NUP210: variants seen among roughly 807,000 people sequenced by gnomAD.
NUP210 encodes nuclear pore membrane glycoprotein 210.
In NUP210, 151 loss-of-function variants were observed where a neutral mutation model predicts 196.0. That is an observed-to-expected ratio of 0.77 (90% CI 0.67 to 0.88). The LOEUF is 0.88. Among genes scored for constraint, NUP210 ranks in the 40% least tolerant of loss-of-function variants. The pLI, the probability that NUP210 is intolerant of heterozygous loss-of-function variation, is 0.00. For missense variants in NUP210, 2,314 were observed against 2,493.7 expected (o/e 0.93, Z 1.53); for synonymous variants, 1,070 against 1,052.7 (o/e 1.02, Z -0.32).
At chr3:13,418,915 C>T (rs962902619) in intron 1 of NUP210, among the ~76,000 whole-genome samples, 1 of 127,294 alleles carries the variant, frequency 7.9e-6, no homozygotes, top group East Asian at 2.4e-4. Context: ...CACCACTGCA[C>T]GTCAGCATGG....
chr3:13,321,957 A>C lies in NUP210; in HGVS notation c.4916-122T>G, dbSNP rs1696548695. On this transcript the variant is annotated intron_variant, in intron 35 of 39. Transcript: ENST00000254508. ...TCCTCCAAAGCCCAGGTGAGAAGTC[A>C]CCTCCTCCAGGAGTCCTCCTGGGAA... 1.1e-5 allele frequency: 15 copies of C among 1,388,178 alleles called. No homozygotes were observed. In the Admixed American group the frequency reaches 2.9e-4, roughly 27 times the overall value. The allele number at this position is 1,388,178 out of a possible 1,614,324, so 86.0% of individuals were successfully genotyped here. A position where few individuals can be genotyped will look rare whatever the true frequency, so the allele number is the denominator to read the frequency against.
intron 6 of NUP210, among the ~76,000 whole-genome samples, chr3:13,383,516 C>T (rs1451762780): frequency 1.3e-4 from 9 of 70,934 alleles, no homozygotes; most frequent in African/African-American, 2.4e-4. Flanking sequence ...AGAGTGAGCT[C>T]TTTTTTTTTT....
At chr3:13,392,397 C>T (rs530640586) in intron 3 of NUP210, among the ~76,000 whole-genome samples, 27 of 152,166 alleles carry the variant, frequency 1.8e-4, no homozygotes, top group Non-Finnish European at 2.9e-4. Flanking sequence ...AGGAAGACAA[C>T]CCCCATCTAT....
Position 13,321,698 on chromosome 3 carries a change from C to A in NUP210, c.5053G>T (p.Val1685Leu). Residue 1685 changes from valine (V) to leucine (L), a missense_variant, in exon 36 of 40, where the codon GTG (valine) becomes TTG (leucine). Coordinates refer to ENST00000254508, the MANE Select transcript of NUP210 (RefSeq NM_024923.4). ...GCGAAGAGACCTGGGCTGAAGGGCA[C>A]CTCGGCCCCCACCTGCTCTGTGGAG... is the stretch of plus-strand genomic sequence containing the variant. ...HFSTEQVGAE[V>L]PFSPGLFADQ... The A allele has an allele frequency of 6.2e-7, 1 of 1,614,118 alleles. No homozygotes were observed.
Position 13,373,816 on chromosome 3 carries a change from C to A in NUP210, c.1489G>T (p.Val497Phe), listed in dbSNP as rs991643095. The change falls in exon 12 of 40, where the codon GTT (valine) becomes TTT (phenylalanine). Residue 497 changes from valine to phenylalanine, a missense_variant. Val to Phe is a conservative substitution (Grantham distance 50). Transcript: ENST00000254508. ...GTGGTCATCACGCCCTTGACAGTAA[C>A]TGTGGCAACCAGGTGGCTTGACGAA... is the stretch of plus-strand genomic sequence containing the variant. Reference protein sequence around the residue: ...WSSSSHLVATVTVKGVMTTGS... With the variant: ...WSSSSHLVATFTVKGVMTTGS... 1.9e-6 allele frequency: 3 copies of A among 1,614,144 alleles called. No homozygotes were observed. In the South Asian group the frequency reaches 3.3e-5, roughly 18 times the overall value.
At chr3:13,342,176 C>G in intron 21 of NUP210, 53 bp from the exon 22 acceptor site, 1 of 1,604,888 alleles carries the variant, frequency 6.2e-7, no homozygotes, top group South Asian at 1.1e-5. Flanking sequence ...CCAATCCTAC[C>G]ATCTATGGTG....
At chr3:13,390,596 G>T (rs902379527) in intron 4 of NUP210, among the ~76,000 whole-genome samples, 29 of 152,224 alleles carry the variant, frequency 1.9e-4, no homozygotes, top group African/African-American at 7.0e-4. Context: ...CCACGAGACA[G>T]TGCAGATCCA....
intron 36 of NUP210, among the ~76,000 whole-genome samples, chr3:13,320,220 C>G (rs354480): frequency 0.73 from 111,389 of 152,144 alleles, 41,306 homozygotes; most frequent in East Asian, 0.99. Context: ...ACGGCGTGTA[C>G]TCTGCAGAGT....
At chr3:13,398,807 G>T (rs921211965) in intron 2 of NUP210, among the ~76,000 whole-genome samples, 2 of 152,154 alleles carry the variant, frequency 1.3e-5, no homozygotes, top group African/African-American at 4.8e-5. Flanking sequence ...ACCTGTGGTG[G>T]TCCCAGCTAT....
chr3:13,377,887 GAGGCCCCACACCACCCACCTGC>G (rs1329650047), intron 8 of NUP210, among the ~76,000 whole-genome samples: 14 of 131,900 alleles, frequency 1.1e-4, no homozygotes, highest in African/African-American at 2.3e-4. Flanking sequence ...CACTTACCTG[GAGGCCCCACACCACCCACCTGC>G]AGGCCCCACA....
At position 13,347,211 on chromosome 3, in the gene NUP210, C is replaced by T. The variant is rs1697774216; in HGVS notation, c.2836-3908G>A. On this transcript the variant is annotated intron_variant, in intron 20 of 39. Coordinates refer to ENST00000254508, the MANE Select transcript of NUP210 (RefSeq NM_024923.4). This position sits in a 1 kb window ranked among gnomAD's most constrained non-coding sequence, Gnocchi z 4.7. ...GCTGCGGCTCACAGGAGCTGGGCCC[C>T]CCGGCTTCATTCCCTCCTGAATCCG... 1.0e-6 allele frequency: 1 copy of T among 985,256 alleles called. No homozygotes were observed. Among genetic ancestry groups the T allele is most frequent in the Admixed American group, 6.1e-5 (1 of 16,264 alleles). 61.0% of individuals were successfully genotyped at this position (985,256 alleles called of 1,614,324 possible).
At chr3:13,407,560 GC>G (rs1700040509) in intron 1 of NUP210, among the ~76,000 whole-genome samples, 1 of 152,014 alleles carries the variant, frequency 6.6e-6, no homozygotes, top group Admixed American at 6.6e-5. Context: ...CTTTTCCAAA[GC>G]CCCTGCCTCC....
chr3:13,372,651 G>A (rs1698771790), intron 12 of NUP210, among the ~76,000 whole-genome samples: 1 of 152,162 alleles, frequency 6.6e-6, no homozygotes, highest in Non-Finnish European at 1.5e-5. Context: ...AGAGAGGTAA[G>A]CACAGCCATG....
At chr3:13,391,918 C>T (rs1699504459) in intron 3 of NUP210, among the ~76,000 whole-genome samples, 1 of 152,016 alleles carries the variant, frequency 6.6e-6, no homozygotes, top group Non-Finnish European at 1.5e-5. Context: ...CTGTCCTTTC[C>T]AATCAAGAAA....
chr3:13,394,701 A>C (rs1163826279), intron 3 of NUP210, among the ~76,000 whole-genome samples: 2 of 152,222 alleles, frequency 1.3e-5, no homozygotes, highest in Non-Finnish European at 2.9e-5. Context: ...TACTAAGGGG[A>C]CAACCTACTG....
intron 8 of NUP210, 65 bp downstream of exon 8, chr3:13,378,847 A>AT (rs1286513278): frequency 1.1e-5 from 14 of 1,222,874 alleles, no homozygotes; most frequent in Non-Finnish European, 1.6e-5. Flanking sequence ...CTTCTTTTCT[A>AT]TTTTTTAAAC....
intron 13 of NUP210, among the ~76,000 whole-genome samples, chr3:13,369,509 C>T (rs1386485295): frequency 6.6e-6 from 1 of 152,116 alleles, no homozygotes; most frequent in East Asian, 1.9e-4. Context: ...TGTCCTGAAG[C>T]TTTCCTCCAG....
intron 1 of NUP210, among the ~76,000 whole-genome samples, chr3:13,416,212 G>C (rs1218506408): frequency 1.3e-5 from 2 of 152,180 alleles, no homozygotes; most frequent in African/African-American, 4.8e-5. Context: ...GTGTTAGATG[G>C]CTCCAAGGTG....
rs1425977401 is a variant in NUP210 at position 13,323,216 on chromosome 3, A to C, written c.4768+93T>G. 9.3e-6 allele frequency: 14 copies of C among 1,501,550 alleles called. No homozygotes were observed. The highest frequency in any genetic ancestry group is 1.3e-5 in the Non-Finnish European group (14 of 1,096,896). 93.0% of individuals were successfully genotyped at this position (1,501,550 alleles called of 1,614,324 possible). On this transcript the variant is annotated intron_variant, in intron 34 of 39. Transcript: ENST00000254508. This position sits in a 1 kb window ranked among gnomAD's most constrained non-coding sequence, Gnocchi z 4.3. ...CTCTGGAGTTGGTGTGAGTGTGAAT[A>C]GGAGAAGCAGATAAACTCCATCCAG...
Sources: gnomAD v4.1 joint callset for allele counts (sites outside exome capture counted in the v4.1 genomes callset) on GRCh38, gnomAD v4.1.1 for gene constraint, Gnocchi (gnomAD v3.1) non-coding constraint, MANE v1.5 for transcripts, NCBI Gene and HGNC (gene_info 2026-07-23, HGNC 2026-07-21) for gene names.